The following FAR1 variants were observed in gnomAD, a reference collection of about 807,000 sequenced individuals.
FAR1 encodes the protein male sterility domain-containing protein 2.
In FAR1, 22 loss-of-function variants were observed where a neutral mutation model predicts 61.1. The observed-to-expected ratio is 0.36, with a 90% CI of 0.26 to 0.51. The LOEUF (loss-of-function observed/expected upper bound fraction) is 0.51. FAR1 is among the 20% of genes least tolerant of loss of function. The probability of loss-of-function intolerance (pLI) is 0.95; values close to 1 mark genes in which losing one functional copy is unlikely to be tolerated. For synonymous variants in FAR1, 206 were observed against 209.7 expected, an observed-to-expected ratio of 0.98 and a Z score of 0.15; for missense variants, 359 against 626.9, an observed-to-expected ratio of 0.57 and a Z score of 4.56.
intron 3 of FAR1, 49 bp from the exon 4 acceptor site, chr11:13,707,851 A>G (rs1323667864): frequency 7.3e-7 from 1 of 1,362,870 alleles, no homozygotes. Flanking sequence ...TAACAGGTAA[A>G]ATAACATAGC....
At chr11:13,701,640 A>G (rs1392999271) in intron 3 of FAR1, among the ~76,000 whole-genome samples, 5 of 152,134 alleles carry the variant, frequency 3.3e-5, no homozygotes, top group African/African-American at 1.2e-4. Flanking sequence ...ACGTCAGTCA[A>G]CATTATATAA....
In FAR1 at chr11:13,721,054, A is replaced by G. The variant is rs1050874719; in HGVS notation, c.1128-676A>G. On this transcript the variant is annotated intron_variant, in intron 9 of 11. Coordinates refer to ENST00000354817, the MANE Select transcript of FAR1 (RefSeq NM_032228.6). This position sits in a 1 kb window ranked among gnomAD's most constrained non-coding sequence, Gnocchi z 4.2. ...AGACACACTTTAAAAAGAGTGTCACACTCCTTTATTTCTGTAAGGATGAGT... is the reference window on the plus strand; with the variant it reads ...AGACACACTTTAAAAAGAGTGTCACGCTCCTTTATTTCTGTAAGGATGAGT... 1 of 152,060 alleles carries G rather than the reference A, an allele frequency of 6.6e-6. No individual in the cohort carries two copies. Among genetic ancestry groups the G allele is most frequent in the Non-Finnish European group, 1.5e-5 (1 of 67,978 alleles). 9.4% of individuals were successfully genotyped at this position (152,060 alleles called of 1,614,324 possible).
In FAR1 at chr11:13,729,582, G is replaced by A. The variant is rs1370654548; in HGVS notation, c.*808G>A. The A allele has an allele frequency of 6.6e-6, 1 of 151,946 alleles. No homozygotes were observed. The highest frequency in any genetic ancestry group is 1.5e-5 in the Non-Finnish European group (1 of 67,842). 9.4% of individuals were successfully genotyped at this position (151,946 alleles called of 1,614,324 possible). ...GATCAAATAAAAATCTTGTGAGATT[G>A]TTTATGTTTTGAAGCAGGAGGATTT... is the stretch of plus-strand genomic sequence containing the variant. On this transcript the variant is annotated 3_prime_UTR_variant, in exon 12 of 12. Transcript: ENST00000354817.
In FAR1 at chr11:13,690,083, C is replaced by G. The variant is rs548389147; in HGVS notation, c.-7-4676C>G. ...TAGAGACGGGGTTTCACCATGTTGG[C>G]CAGGCTGGTCTCTGAACTCCTGACC... On this transcript the variant is annotated intron_variant, in intron 1 of 11. Transcript: ENST00000354817. Among the ~76,000 whole-genome samples, 5 of 152,096 alleles carry G rather than the reference C, an allele frequency of 3.3e-5. No homozygotes were observed. In the South Asian group the frequency reaches 8.3e-4, roughly 25 times the overall value.
intron 2 of FAR1, 102 bp downstream of exon 2, chr11:13,695,056 G>GA (rs1201887134): frequency 7.2e-6 from 7 of 965,934 alleles, no homozygotes; most frequent in Middle Eastern, 3.3e-4. Context: ...TCAGTATTCT[G>GA]AAAAAATTAG....
intron 1 of FAR1, among the ~76,000 whole-genome samples, chr11:13,677,434 A>C (rs1848078979): frequency 6.6e-6 from 1 of 152,250 alleles, no homozygotes; most frequent in South Asian, 2.1e-4. Flanking sequence ...AAAATAAACT[A>C]GGAAAAGATT....
intron 1 of FAR1, among the ~76,000 whole-genome samples, chr11:13,683,511 C>T (rs993962008): frequency 6.6e-6 from 1 of 151,690 alleles, no homozygotes; most frequent in Non-Finnish European, 1.5e-5. Flanking sequence ...TCCATTTGCT[C>T]AAAACTGTCT....
chr11:13,715,861 C>G (rs1305532870), intron 9 of FAR1: 1 of 151,914 alleles, frequency 6.6e-6, no homozygotes, highest in Non-Finnish European at 1.5e-5. Flanking sequence ...GATGCTGATC[C>G]CAGAACTTCC....
chr11:13,717,520 G>A (rs1412286334), intron 9 of FAR1, among the ~76,000 whole-genome samples: 3 of 152,162 alleles, frequency 2.0e-5, no homozygotes, highest in Non-Finnish European at 4.4e-5. Flanking sequence ...AGTTCTCTGA[G>A]GTTCTTGCCT....
Position 13,728,816 on chromosome 11 carries a change from T to C in FAR1, c.*42T>C, listed in dbSNP as rs1405798679. On this transcript the variant is annotated 3_prime_UTR_variant, in exon 12 of 12. Transcript: ENST00000354817. The stretch of plus-strand genomic sequence containing the variant: ...ATTAGAACATCTATACATATGGTGA[T>C]CTAAATGTACAAAATGTAAAATGTA... The C allele has an allele frequency of 1.7e-5, 26 of 1,538,544 alleles. No individual in the cohort carries two copies. The highest frequency in any genetic ancestry group is 4.1e-5 in the African/African-American group (3 of 72,844).
At chr11:13,708,447 GCA>G (rs61253307) in intron 4 of FAR1, among the ~76,000 whole-genome samples, 2,882 of 136,680 alleles carry the variant, frequency 0.021, 36 homozygotes, top group East Asian at 0.035. Context: ...GCGCGCGCGC[GCA>G]CACACACACA....
In FAR1 at chr11:13,712,044, T is replaced by C. The variant is rs1848504803; in HGVS notation, c.885T>C (p.Asn295=). Residue 295 remains asparagine, a splice_region_variant and synonymous_variant, in exon 7 of 12, where the codon AAT becomes AAC. Transcript: ENST00000354817. ...SLAAAWYSGV[N]RPRNIMVYNC... ...CGGCAGCCTGGTATTCCGGAGTTAA[T>C]AGGTATATGAGGTGACAATGTCGCT... 2 of 1,592,164 alleles carry C rather than the reference T, an allele frequency of 1.3e-6. No homozygotes were observed. Among genetic ancestry groups the C allele is most frequent in the South Asian group, 1.1e-5 (1 of 90,596 alleles).
At position 13,711,973 on chromosome 11, in the gene FAR1, C is replaced by G. The variant is rs148637927; in HGVS notation, c.814C>G (p.Leu272Val). The change falls in exon 7 of 12, where the codon CTT becomes GTT. Residue 272 changes from leucine (L) to valine (V), a missense_variant. This residue lies in a region of FAR1 where 344 missense variants were observed against 570.3 expected (regional missense o/e 0.60). Coordinates refer to ENST00000354817, the MANE Select transcript of FAR1 (RefSeq NM_032228.6). ...LRTIRASNNA[L>V]ADLVPVDVVV... ...AACAATACGTGCCTCCAACAATGCC[C>G]TTGCAGATCTTGTTCCTGTAGATGT... The G allele has an allele frequency of 6.2e-7, 1 of 1,613,346 alleles. No individual in the cohort carries two copies.
At chr11:13,711,381 C>T (rs1299037358) in intron 5 of FAR1, among the ~76,000 whole-genome samples, 1 of 152,220 alleles carries the variant, frequency 6.6e-6, no homozygotes, top group East Asian at 1.9e-4. Context: ...CTGTTTTATT[C>T]ATAATTTTGA....
intron 1 of FAR1, among the ~76,000 whole-genome samples, chr11:13,681,162 A>G (rs1449264781): frequency 1.3e-5 from 2 of 152,210 alleles, no homozygotes; most frequent in African/African-American, 4.8e-5. Flanking sequence ...CTCGTTCAGT[A>G]GATGAGGTTA....
rs1848706157 is a variant in FAR1, at chr11:13,729,939, C to T, written c.*1165C>T. 1 of 152,342 alleles carries T rather than the reference C, an allele frequency of 6.6e-6. No homozygotes were observed. The highest frequency in any genetic ancestry group is 1.9e-4 in the East Asian group (1 of 5,196). 9.4% of individuals were successfully genotyped at this position (152,342 alleles called of 1,614,324 possible). On this transcript the variant is annotated 3_prime_UTR_variant, in exon 12 of 12. Transcript: ENST00000354817. Reference sequence around the variant, plus strand: ...CTGTTGAATGAGTTTGAAGGTATCACTTATTTTTTATGCATGTGATTTTAG... The same window carrying T: ...CTGTTGAATGAGTTTGAAGGTATCATTTATTTTTTATGCATGTGATTTTAG...
At chr11:13,714,462 C>A in intron 8 of FAR1, 47 bp from the exon 9 acceptor site, 2 of 1,487,438 alleles carry the variant, frequency 1.3e-6, no homozygotes, top group Non-Finnish European at 1.8e-6. Flanking sequence ...TTCAAAACTT[C>A]ATTACATGGT....
rs148512280 is a variant in FAR1 at position 13,686,832 on chromosome 11, T to G, written c.-7-7927T>G. ...CCTTCCATTAATATTAGGGCATTTA[T>G]TAAGAGAATACAATCATGTTACAAA... On this transcript the variant is annotated intron_variant, in intron 1 of 11. Transcript: ENST00000354817. Among the ~76,000 whole-genome samples, 678 of 152,350 alleles carry G rather than the reference T, an allele frequency of 4.5e-3. 2 individuals carry two copies. Among genetic ancestry groups the G allele is most frequent in the Non-Finnish European group, 6.1e-3 (414 of 68,024 alleles).
chr11:13,718,239 C>T (rs1385728079), intron 9 of FAR1, among the ~76,000 whole-genome samples: 3 of 152,204 alleles, frequency 2.0e-5, no homozygotes, highest in Admixed American at 6.5e-5. Flanking sequence ...CCCTACCCTG[C>T]TATGCTCAGA....
Sources: gnomAD v4.1 joint callset for allele counts (sites outside exome capture counted in the v4.1 genomes callset) on GRCh38, gnomAD v4.1.1 for gene constraint, gnomAD v4.1.1 regional missense constraint, Gnocchi (gnomAD v3.1) non-coding constraint, MANE v1.5 for transcripts, NCBI Gene and HGNC (gene_info 2026-07-23, HGNC 2026-07-21) for gene names.